Variants in ELOA observed in about 807,000 individuals in gnomAD.
ELOA encodes elongin A.
In ELOA, 15 loss-of-function variants were observed where a neutral mutation model predicts 85.2. The observed-to-expected ratio is 0.18, with a 90% CI of 0.12 to 0.27. The LOEUF is 0.27. Among genes scored for constraint, ELOA ranks in the 10% least tolerant of loss-of-function variants. ELOA has a pLI of 1.00. For synonymous variants in ELOA, 348 were observed against 357.2 expected (o/e 0.97, Z 0.29); for missense variants, 769 against 952.7 (o/e 0.81, Z 2.54).
intron 5 of ELOA, 63 bp from the exon 6 acceptor site, chr1:23,754,036 AG>A (rs1247656593): frequency 6.4e-7 from 1 of 1,571,648 alleles, no homozygotes; most frequent in Non-Finnish European, 8.6e-7. Flanking sequence ...AGGAGGCTGA[AG>A]GGGGTAGAAG....
At chr1:23,743,717 G>T (rs1261967775) in intron 1 of ELOA, 139 bp downstream of exon 1, 10 of 1,064,110 alleles carry the variant, frequency 9.4e-6, no homozygotes, top group Non-Finnish European at 1.2e-5. Context: ...GAAGTTCGCG[G>T]CCATTGACCG....
intron 2 of ELOA, among the ~76,000 whole-genome samples, 157 bp downstream of exon 2, chr1:23,749,234 A>G (rs897643120): frequency 1.3e-5 from 2 of 152,262 alleles, no homozygotes; most frequent in African/African-American, 2.4e-5. Flanking sequence ...TGAAATGTCC[A>G]GAATAGGCAA....
chr1:23,752,372 CACTG>C (rs756648158), intron 4 of ELOA, 31 bp from the exon 5 acceptor site: 1 of 1,579,794 alleles, frequency 6.3e-7, no homozygotes, highest in East Asian at 2.2e-5. Flanking sequence ...TGCTTCTACT[CACTG>C]ACTCTCCACC....
chr1:23,745,219 G>A (rs1644740950), intron 1 of ELOA, among the ~76,000 whole-genome samples: 1 of 152,162 alleles, frequency 6.6e-6, no homozygotes, highest in African/African-American at 2.4e-5. Context: ...TCTTTTTACA[G>A]TAACCCCTTG....
chr1:23,751,597 G>T lies in ELOA; in HGVS notation c.992G>T (p.Arg331Ile). Residue 331 changes from arginine to isoleucine, a missense_variant, in exon 4 of 11, where the codon AGA (arginine) becomes ATA (isoleucine). Transcript: ENST00000613537. ...AACCACCTGAAAAAGCCAAAGCACA[G>T]AGACCCAGAGAAAGCCAAATTGGAC... ...SDNHLKKPKH[R>I]DPEKAKLDKS... The T allele has an allele frequency of 1.2e-6, 2 of 1,614,204 alleles. No individual in the cohort carries two copies. The highest frequency in any genetic ancestry group is 1.7e-6 in the Non-Finnish European group (2 of 1,180,048).
At chr1:23,756,175 C>CA in intron 8 of ELOA, 99 bp from the exon 9 acceptor site, 1 of 1,423,656 alleles carries the variant, frequency 7.0e-7, no homozygotes, top group African/African-American at 1.4e-5. Context: ...TTCTACCCTA[C>CA]AAGTGGGGTT....
At chr1:23,746,531 C>T (rs1225046941) in intron 1 of ELOA, among the ~76,000 whole-genome samples, 1 of 147,496 alleles carries the variant, frequency 6.8e-6, no homozygotes, top group East Asian at 2.0e-4. Context: ...CTCTTGAACC[C>T]AGGAGGCGGA....
At chr1:23,755,694 C>G (rs1228210177) in intron 7 of ELOA, 149 bp from the exon 8 acceptor site, 1 of 600,864 alleles carries the variant, frequency 1.7e-6, no homozygotes, top group Admixed American at 3.4e-5. Context: ...GCGTGAGAAT[C>G]GCTTGAACCC....
intron 1 of ELOA, among the ~76,000 whole-genome samples, chr1:23,748,590 G>A (rs1009303047): frequency 5.3e-5 from 8 of 152,188 alleles, no homozygotes; most frequent in African/African-American, 1.7e-4. Flanking sequence ...GTCTTTTCCT[G>A]TAGAGGCCTT....
Position 23,759,706 on chromosome 1 carries a change from G to A in ELOA, c.*133G>A. ...TTTTGGTCTCCGAGTCCTGCAGTCT[G>A]CAGGTGCTGCCCCTGGGAACCTGCG... On this transcript the variant is annotated 3_prime_UTR_variant, in exon 11 of 11. Transcript: ENST00000613537. 1 of 996,008 alleles carries A rather than the reference G, an allele frequency of 1.0e-6. No homozygotes were observed. Among genetic ancestry groups the A allele is most frequent in the Non-Finnish European group, 1.5e-6 (1 of 656,200 alleles). 61.7% of individuals were successfully genotyped at this position (996,008 alleles called of 1,614,324 possible). A position where few individuals can be genotyped will look rare whatever the true frequency, so the allele number is the denominator to read the frequency against.
At chr1:23,745,479 T>G (rs1319226389) in intron 1 of ELOA, among the ~76,000 whole-genome samples, 1 of 152,194 alleles carries the variant, frequency 6.6e-6, no homozygotes, top group African/African-American at 2.4e-5. Flanking sequence ...AGGAAAAGGC[T>G]TATTCCACCT....
intron 1 of ELOA, among the ~76,000 whole-genome samples, chr1:23,746,436 C>CTACTAA (rs1459136574): frequency 1.3e-5 from 2 of 151,354 alleles, no homozygotes; most frequent in African/African-American, 4.9e-5. Context: ...GATGAAACCC[C>CTACTAA]ATCTCTACTA....
At chr1:23,754,538 G>A (rs1644786325) in intron 7 of ELOA, 78 bp downstream of exon 7, 6 of 1,163,964 alleles carry the variant, frequency 5.2e-6, no homozygotes, top group Admixed American at 3.6e-5. Flanking sequence ...CTGTGACTCC[G>A]CTGTGGCTGA....
In ELOA at chr1:23,758,259, A is replaced by AT. The variant is rs1162019928; in HGVS notation, c.2257+1165dup. On this transcript the variant is annotated intron_variant, in intron 10 of 10. Transcript: ENST00000613537. Reference sequence around the variant, plus strand: ...ATTGGGTCTTCCAATTTATTTATTTATTTTTTTTTTTTTTTTTTTTTTTTT... The same window carrying AT: ...ATTGGGTCTTCCAATTTATTTATTTATTTTTTTTTTTTTTTTTTTTTTTTTT... 9.5e-3 allele frequency among the ~76,000 whole-genome samples: 400 copies of AT among 41,968 alleles called. 23 individuals carry two copies. Among genetic ancestry groups the AT allele is most frequent in the Non-Finnish European group, 0.011 (272 of 23,708 alleles). The allele number at this position is 41,968 out of a possible 152,430, so 27.5% of individuals were successfully genotyped here. A position where few individuals can be genotyped will look rare whatever the true frequency, so the allele number is the denominator to read the frequency against.
At position 23,751,725 on chromosome 1, in the gene ELOA, G is replaced by A. The variant is rs779777006; in HGVS notation, c.1120G>A (p.Gly374Arg). 6.2e-7 allele frequency: 1 copy of A among 1,614,134 alleles called. No individual in the cohort carries two copies. Among genetic ancestry groups the A allele is most frequent in the South Asian group, 1.1e-5 (1 of 91,078 alleles). ...TTCTAACAACCTAAAGACTCCAGAA[G>A]GGAAAGTCAAAACTAATTTGGATAG... ...KGSNNLKTPE[G>R]KVKTNLDRKS... The change falls in exon 4 of 11, where the codon GGG becomes AGG. Residue 374 changes from glycine to arginine, a missense_variant. Physicochemically the swap from Gly to Arg is moderately radical, Grantham distance 125 (BLOSUM62 -2). This residue lies in a region of ELOA where 440 missense variants were observed against 474.0 expected (regional missense o/e 0.93). Transcript: ENST00000613537.
At chr1:23,746,288 C>CAAA (rs35430836) in intron 1 of ELOA, among the ~76,000 whole-genome samples, 2 of 120,324 alleles carry the variant, frequency 1.7e-5, no homozygotes, top group Non-Finnish European at 3.4e-5. Flanking sequence ...AACTCCGTCT[C>CAAA]AAAAAAAAAA....
At position 23,749,041 on chromosome 1, in the gene ELOA, A is replaced by C; in HGVS notation, c.96A>C (p.Lys32Asn). ...TGCAGCTATTGAAATATTTGAAGAA[A>C]CTCTCCACCCTGCCTATTACAGTAG... Reference protein sequence around the residue: ...DPKKLLKYLKKLSTLPITVDI... With the variant: ...DPKKLLKYLKNLSTLPITVDI... Residue 32 changes from lysine (K) to asparagine (N), a missense_variant, in exon 2 of 11, where the codon AAA (lysine) becomes AAC (asparagine). Coordinates refer to ENST00000613537, the MANE Select transcript of ELOA (RefSeq NM_003198.3). The C allele has an allele frequency of 6.2e-7, 1 of 1,613,048 alleles. No individual in the cohort carries two copies. The highest frequency in any genetic ancestry group is 8.5e-7 in the Non-Finnish European group (1 of 1,179,510).
intron 1 of ELOA, among the ~76,000 whole-genome samples, chr1:23,746,556 G>C (rs999331625): frequency 7.1e-6 from 1 of 140,556 alleles, no homozygotes; most frequent in East Asian, 2.1e-4. Context: ...GCAGTGAGCC[G>C]AGATGGCACC....
chr1:23,750,580 T>A (rs1302538015), intron 3 of ELOA, among the ~76,000 whole-genome samples: 1 of 152,204 alleles, frequency 6.6e-6, no homozygotes, highest in Non-Finnish European at 1.5e-5. Flanking sequence ...ATTAAACATG[T>A]CCCCATGTTT....
Sources: gnomAD v4.1 joint callset for allele counts (sites outside exome capture counted in the v4.1 genomes callset) on GRCh38, gnomAD v4.1.1 for gene constraint, gnomAD v4.1.1 regional missense constraint, MANE v1.5 for transcripts, NCBI Gene and HGNC (gene_info 2026-07-23, HGNC 2026-07-21) for gene names.